SETBP1: variants seen among roughly 807,000 people sequenced by gnomAD.
SETBP1 encodes the protein SET binding protein 1.
Under a neutral mutation model 101.0 loss-of-function variants are expected in SETBP1, and 9 were observed. The ratio of observed to expected loss-of-function variants is 0.09; its 90% CI spans 0.05 to 0.16. SETBP1 has a LOEUF of 0.16. SETBP1 is among the 10% of genes least tolerant of loss of function. The pLI, the probability that SETBP1 is intolerant of heterozygous loss-of-function variation, is 1.00. For missense variants in SETBP1, 1,858 were observed against 2,033.8 expected, an observed-to-expected ratio of 0.91 and a Z score of 1.66; for synonymous variants, 818 against 788.5, an observed-to-expected ratio of 1.04 and a Z score of -0.63.
At chr18:44,814,547 G>T (rs1179387138) in intron 2 of SETBP1, among the ~76,000 whole-genome samples, 1 of 152,220 alleles carries the variant, frequency 6.6e-6, no homozygotes, top group African/African-American at 2.4e-5. Flanking sequence ...GGAAGTAGGA[G>T]CTTCTAGTGA....
chr18:44,751,124 TTTTG>T (rs2070372263), intron 2 of SETBP1, among the ~76,000 whole-genome samples: 1 of 152,176 alleles, frequency 6.6e-6, no homozygotes, highest in African/African-American at 2.4e-5. Flanking sequence ...AAGTAAAGTT[TTTTG>T]TTTGTTTGTT....
Position 44,953,026 on chromosome 18 carries a change from A to G in SETBP1, c.3686A>G (p.Asp1229Gly). The G allele has an allele frequency of 1.2e-6, 2 of 1,614,118 alleles. No individual in the cohort carries two copies. Among genetic ancestry groups the G allele is most frequent in the Non-Finnish European group, 1.7e-6 (2 of 1,180,016 alleles). The change falls in exon 4 of 6, where the codon GAC becomes GGC. Residue 1229 changes from aspartate to glycine, a missense_variant. Coordinates refer to ENST00000649279, the MANE Select transcript of SETBP1 (RefSeq NM_015559.3). ...GCTTCTAAGAACAACTTTGAGGTGG[A>G]CACCCTGTCTACACTGTCACTTTCC... ...HKASKNNFEV[D>G]TLSTLSLSDA...
At chr18:44,984,192 T>C (rs990614425) in intron 4 of SETBP1, among the ~76,000 whole-genome samples, 32 of 152,028 alleles carry the variant, frequency 2.1e-4, no homozygotes, top group Admixed American at 6.5e-5. Context: ...GACTCCGTCT[T>C]GGGAAAAACA....
At chr18:44,778,545 A>C (rs1236183136) in intron 2 of SETBP1, among the ~76,000 whole-genome samples, 1 of 152,238 alleles carries the variant, frequency 6.6e-6, no homozygotes, top group Non-Finnish European at 1.5e-5. Context: ...GAACACAAAC[A>C]AACAAAAAGC....
At chr18:44,808,063 T>C (rs2071785354) in intron 2 of SETBP1, among the ~76,000 whole-genome samples, 3 of 152,156 alleles carry the variant, frequency 2.0e-5, no homozygotes. Context: ...GTGAAAGATA[T>C]CAAAACCCCA....
chr18:44,966,814 G>A (rs374435561), intron 4 of SETBP1, among the ~76,000 whole-genome samples: 18 of 152,286 alleles, frequency 1.2e-4, no homozygotes, highest in South Asian at 6.2e-4. Context: ...CCACTTGCTC[G>A]TAGTGCAACC....
At chr18:44,796,617 G>T (rs1024960517) in intron 2 of SETBP1, among the ~76,000 whole-genome samples, 2 of 152,284 alleles carry the variant, frequency 1.3e-5, no homozygotes, top group Non-Finnish European at 2.9e-5. Flanking sequence ...ATAGTCTGAG[G>T]CCCAGGGAGT....
intron 2 of SETBP1, among the ~76,000 whole-genome samples, chr18:44,811,850 G>C (rs1437848422): frequency 6.6e-6 from 1 of 152,212 alleles, no homozygotes; most frequent in Non-Finnish European, 1.5e-5. Flanking sequence ...CAGAATTCTT[G>C]AGGTGGTTGG....
At chr18:45,026,441 A>G (rs1012332753) in intron 4 of SETBP1, among the ~76,000 whole-genome samples, 1 of 152,200 alleles carries the variant, frequency 6.6e-6, no homozygotes, top group African/African-American at 2.4e-5. Context: ...TCAGATACCC[A>G]GGAAGGACTG....
At chr18:44,753,819 A>G (rs1240448294) in intron 2 of SETBP1, among the ~76,000 whole-genome samples, 3 of 152,214 alleles carry the variant, frequency 2.0e-5, no homozygotes, top group Non-Finnish European at 4.4e-5. Context: ...ATAGTCGTGA[A>G]TGGGAAGGAA....
chr18:44,790,997 A>T (rs138688027), intron 2 of SETBP1, among the ~76,000 whole-genome samples: 1 of 152,190 alleles, frequency 6.6e-6, no homozygotes, highest in Non-Finnish European at 1.5e-5. Context: ...TCCCAATACT[A>T]TTGTAGACCC....
At chr18:44,904,425 G>C (rs967981004) in intron 3 of SETBP1, among the ~76,000 whole-genome samples, 14 of 152,112 alleles carry the variant, frequency 9.2e-5, no homozygotes, top group African/African-American at 3.4e-4. Context: ...TAAGTATAAT[G>C]CAGTGGATTT....
At chr18:44,766,386 A>G (rs1373017553) in intron 2 of SETBP1, among the ~76,000 whole-genome samples, 1 of 152,212 alleles carries the variant, frequency 6.6e-6, no homozygotes, top group Non-Finnish European at 1.5e-5. Flanking sequence ...AGGAAATTTG[A>G]ATGCATGCTA....
intron 2 of SETBP1, among the ~76,000 whole-genome samples, chr18:44,744,517 G>T (rs1193197730): frequency 6.6e-6 from 1 of 152,254 alleles, no homozygotes; most frequent in Non-Finnish European, 1.5e-5. Context: ...CCAAGAGCCA[G>T]TGGGAAATGC....
At chr18:44,770,301 T>TG (rs1234525405) in intron 2 of SETBP1, among the ~76,000 whole-genome samples, 1 of 152,188 alleles carries the variant, frequency 6.6e-6, no homozygotes, top group African/African-American at 2.4e-5. Context: ...GCTGGGAGCC[T>TG]GGAAGAAAAC....
chr18:44,995,909 A>G (rs528500219), intron 4 of SETBP1, among the ~76,000 whole-genome samples: 13 of 152,358 alleles, frequency 8.5e-5, no homozygotes, highest in Admixed American at 2.0e-4. Flanking sequence ...CAACACCGTT[A>G]CAATGGGGCT....
At position 44,950,327 on chromosome 18, in the gene SETBP1, T is replaced by C. The variant is rs371212525; in HGVS notation, c.987T>C (p.Pro329=). 20 of 1,613,906 alleles carry C rather than the reference T, an allele frequency of 1.2e-5. No homozygotes were observed. The African/African-American group carries it at 2.7e-4, about 22-fold the overall frequency. Residue 329 remains proline (P), a synonymous_variant, in exon 4 of 6, where the codon CCT becomes CCC. Coordinates refer to ENST00000649279, the MANE Select transcript of SETBP1 (RefSeq NM_015559.3). ...GTACAAAGGAGCCCCCAGAACCACC[T>C]ACGGTGGGCAGCAAGAAAAAGTCCA... ...GGGTKEPPEP[P]TVGSKKKSSK... is the part of the protein sequence containing the mutation.
At chr18:44,910,618 G>T (rs1470785967) in intron 3 of SETBP1, among the ~76,000 whole-genome samples, 1 of 152,164 alleles carries the variant, frequency 6.6e-6, no homozygotes, top group Non-Finnish European at 1.5e-5. Flanking sequence ...TTATTGGAAG[G>T]CCTTAACATC....
intron 2 of SETBP1, among the ~76,000 whole-genome samples, chr18:44,782,293 A>C (rs572691006): frequency 6.7e-6 from 1 of 148,366 alleles, no homozygotes; most frequent in African/African-American, 2.5e-5. Flanking sequence ...CCTGGTATTT[A>C]CAACATGTAA....
Sources: gnomAD v4.1 joint callset for allele counts (sites outside exome capture counted in the v4.1 genomes callset) on GRCh38, gnomAD v4.1.1 for gene constraint, MANE v1.5 for transcripts, NCBI Gene and HGNC (gene_info 2026-07-23, HGNC 2026-07-21) for gene names.